Variants in CRYL1 observed in about 807,000 individuals in gnomAD.
CRYL1 encodes crystallin lambda 1.
CRYL1 carries 29 observed loss-of-function variants against 36.6 expected under a neutral mutation model. That is an observed-to-expected ratio of 0.79 (90% CI 0.59 to 1.08). CRYL1 has a LOEUF of 1.08. CRYL1 is among the 50% of genes least tolerant of loss of function. The pLI is 0.00. For missense variants in CRYL1, 411 were observed against 407.9 expected, an observed-to-expected ratio of 1.01 and a Z score of -0.06; for synonymous variants, 152 against 151.5, an observed-to-expected ratio of 1.00 and a Z score of -0.02.
intron 3 of CRYL1, among the ~76,000 whole-genome samples, chr13:20,483,415 C>T (rs1451642980): frequency 6.6e-6 from 1 of 152,050 alleles, no homozygotes; most frequent in African/African-American, 2.4e-5. Flanking sequence ...CTGCAAGCTC[C>T]GCCTCCTGGG....
intron 6 of CRYL1, 40 bp downstream of exon 6, chr13:20,413,242 T>A (rs1289520359): frequency 7.2e-7 from 1 of 1,389,106 alleles, no homozygotes; most frequent in East Asian, 2.3e-5. Context: ...ATGACAACAC[T>A]AAATAGAATG....
At chr13:20,454,611 G>C (rs150340159) in intron 3 of CRYL1, among the ~76,000 whole-genome samples, 12 of 152,044 alleles carry the variant, frequency 7.9e-5, no homozygotes, top group Non-Finnish European at 1.6e-4. Flanking sequence ...AGTAGAGACG[G>C]GGTTTCACCG....
intron 6 of CRYL1, among the ~76,000 whole-genome samples, chr13:20,406,285 C>T (rs915848182): frequency 3.9e-5 from 6 of 152,138 alleles, no homozygotes; most frequent in African/African-American, 1.4e-4. Context: ...CAAACATCAT[C>T]TTTGGGGTTT....
At chr13:20,445,796 G>T (rs2032440672) in intron 3 of CRYL1, among the ~76,000 whole-genome samples, 2 of 152,150 alleles carry the variant, frequency 1.3e-5, no homozygotes, top group African/African-American at 4.8e-5. Flanking sequence ...CAAATGGAAA[G>T]TCAACAACTA....
intron 4 of CRYL1, among the ~76,000 whole-genome samples, chr13:20,437,977 A>G (rs932768130): frequency 8.5e-5 from 13 of 152,156 alleles, no homozygotes; most frequent in African/African-American, 3.1e-4. Context: ...GTGGACATGT[A>G]TATGTCACCA....
At chr13:20,509,757 A>C (rs1032959910) in intron 2 of CRYL1, among the ~76,000 whole-genome samples, 102 of 152,092 alleles carry the variant, frequency 6.7e-4, no homozygotes, top group African/African-American at 2.4e-3. Context: ...GTGAAAACCT[A>C]TCTCTACTAA....
chr13:20,492,521 T>C (rs2033531863), intron 2 of CRYL1, among the ~76,000 whole-genome samples: 1 of 152,170 alleles, frequency 6.6e-6, no homozygotes, highest in African/African-American at 2.4e-5. Context: ...TCTCAGCTTC[T>C]AGAGGCTGCC....
intron 3 of CRYL1, among the ~76,000 whole-genome samples, chr13:20,468,516 T>C (rs1379670737): frequency 6.6e-6 from 1 of 152,246 alleles, no homozygotes; most frequent in African/African-American, 2.4e-5. Flanking sequence ...GGGATTCATT[T>C]CACTGACCAT....
chr13:20,464,078 A>G (rs546027352), intron 3 of CRYL1, among the ~76,000 whole-genome samples: 7 of 152,366 alleles, frequency 4.6e-5, no homozygotes, highest in Admixed American at 3.9e-4. Flanking sequence ...TTAATGTGTC[A>G]ATCAGACCAG....
At chr13:20,519,749 T>C (rs9509263) in intron 1 of CRYL1, among the ~76,000 whole-genome samples, 126,946 of 152,184 alleles carry the variant, frequency 0.83, 56,408 homozygotes, top group East Asian at 1. Context: ...ATCTATAGAT[T>C]GAAAGAGCTA....
chr13:20,448,564 G>C (rs1359112318), intron 3 of CRYL1, among the ~76,000 whole-genome samples: 1 of 152,194 alleles, frequency 6.6e-6, no homozygotes, highest in Non-Finnish European at 1.5e-5. Context: ...AGCAGTAAGA[G>C]GAAAAAGTCA....
At chr13:20,461,878 T>C (rs2032825879) in intron 3 of CRYL1, among the ~76,000 whole-genome samples, 1 of 145,950 alleles carries the variant, frequency 6.9e-6, no homozygotes, top group African/African-American at 2.5e-5. Context: ...AGGAGTGCTT[T>C]TGGGCCTCCA....
At chr13:20,418,958 G>A (rs1298515044) in intron 5 of CRYL1, 2 of 152,188 alleles carry the variant, frequency 1.3e-5, no homozygotes, top group South Asian at 2.1e-4. Context: ...ACGCAACAGC[G>A]AGAAGTAGAG....
At position 20,404,556 on chromosome 13, in the gene CRYL1, C is replaced by A. The variant is rs151322996; in HGVS notation, c.846+79G>T. ...TTCCAGCTGCAGAGGCAGGCCCACCCGCTGCAGAGGTGAGGGGCAGCAAGT... is the reference window on the plus strand; with the variant it reads ...TTCCAGCTGCAGAGGCAGGCCCACCAGCTGCAGAGGTGAGGGGCAGCAAGT... On this transcript the variant is annotated intron_variant, in intron 7 of 7. Transcript: ENST00000298248. 5 of 887,698 alleles carry A rather than the reference C, an allele frequency of 5.6e-6. No homozygotes were observed. The African/African-American group carries it at 6.7e-5, about 12-fold the overall frequency. The allele number at this position is 887,698 out of a possible 1,614,324, so 55.0% of individuals were successfully genotyped here.
rs1297687967 is a variant in CRYL1, at chr13:20,435,788, GC to G, written c.439-3493del. Among the ~76,000 whole-genome samples, 1 of 152,206 alleles carries G rather than the reference GC, an allele frequency of 6.6e-6. No individual in the cohort carries two copies. ...ATGTGACCGCGCCGACAGCGCGGCTGCCCACAGAGACTCCCTTCACCCCCGC... is the reference window on the plus strand; with the variant it reads ...ATGTGACCGCGCCGACAGCGCGGCTGCCACAGAGACTCCCTTCACCCCCGC... On this transcript the variant is annotated intron_variant, in intron 4 of 7. Transcript: ENST00000298248. The surrounding 1 kb of genome is among the most constrained non-coding windows in gnomAD (Gnocchi z 4.0).
intron 3 of CRYL1, among the ~76,000 whole-genome samples, chr13:20,446,963 T>C (rs2032470108): frequency 6.6e-6 from 1 of 152,202 alleles, no homozygotes; most frequent in South Asian, 2.1e-4. Flanking sequence ...GAATTTTTTG[T>C]TAGCAATTAT....
intron 3 of CRYL1, among the ~76,000 whole-genome samples, chr13:20,476,197 A>G (rs771083792): frequency 9.2e-5 from 14 of 152,182 alleles, no homozygotes; most frequent in African/African-American, 3.4e-4. Context: ...TCTGAAAGGC[A>G]GGAAGGTAAT....
intron 3 of CRYL1, among the ~76,000 whole-genome samples, chr13:20,475,634 G>C (rs2033150840): frequency 6.6e-6 from 1 of 152,134 alleles, no homozygotes; most frequent in South Asian, 2.1e-4. Flanking sequence ...ATGCACAGTA[G>C]TTCCCATTAG....
At chr13:20,502,496 CA>C (rs530386646) in intron 2 of CRYL1, 8 of 150,942 alleles carry the variant, frequency 5.3e-5, no homozygotes, top group East Asian at 1.9e-4. Flanking sequence ...ACTAAAAATG[CA>C]AAAAAAAATT....
Sources: allele counts gnomAD v4.1 joint callset (sites outside exome capture counted in the v4.1 genomes callset), GRCh38; gene constraint gnomAD v4.1.1; non-coding constraint Gnocchi (gnomAD v3.1); transcripts MANE v1.5; gene names NCBI Gene and HGNC (gene_info 2026-07-23, HGNC 2026-07-21).